AIG1: variants seen among roughly 807,000 people sequenced by gnomAD.
AIG1 encodes the protein androgen-induced gene 1 protein.
In AIG1, 23 loss-of-function variants were observed where a neutral mutation model predicts 31.4. The ratio of observed to expected loss-of-function variants is 0.73; its 90% CI spans 0.53 to 1.04. The LOEUF (loss-of-function observed/expected upper bound fraction) is 1.04. AIG1 is among the 50% of genes least tolerant of loss of function. AIG1 has a pLI of 0.00. For synonymous variants in AIG1, 100 were observed against 110.5 expected (o/e 0.90, Z 0.60); for missense variants, 274 against 295.0 (o/e 0.93, Z 0.52).
intron 4 of AIG1, among the ~76,000 whole-genome samples, chr6:143,307,814 A>G (rs1032678809): frequency 7.2e-5 from 11 of 152,230 alleles, no homozygotes; most frequent in African/African-American, 2.7e-4. Context: ...GGTGGAGCCT[A>G]CAGAGGCAGG....
At chr6:143,209,719 A>G (rs1433548752) in intron 3 of AIG1, among the ~76,000 whole-genome samples, 1 of 152,170 alleles carries the variant, frequency 6.6e-6, no homozygotes, top group Non-Finnish European at 1.5e-5. Context: ...TTGTGAGATA[A>G]TAAATATGTA....
intron 3 of AIG1, chr6:143,187,537 G>A (rs1271004404): frequency 1.3e-6 from 2 of 1,535,806 alleles, no homozygotes; most frequent in Non-Finnish European, 1.7e-6. Context: ...TTCACACTGG[G>A]TAGGCCTGTA....
chr6:143,339,795 C>A lies in AIG1; in HGVS notation c.*119C>A. ...ACTTGGTGGCATCAGCACCCCCCTCCCCCAATGAGGACACCTTTTATATAT... is the reference window on the plus strand; with the variant it reads ...ACTTGGTGGCATCAGCACCCCCCTCACCCAATGAGGACACCTTTTATATAT... On this transcript the variant is annotated 3_prime_UTR_variant, in exon 6 of 6. Coordinates refer to ENST00000357847, the MANE Select transcript of AIG1 (RefSeq NM_016108.4). The A allele has an allele frequency of 1.1e-6, 1 of 935,602 alleles. No homozygotes were observed. The highest frequency in any genetic ancestry group is 1.6e-6 in the Non-Finnish European group (1 of 615,746). The allele number at this position is 935,602 out of a possible 1,614,324, so 58.0% of individuals were successfully genotyped here.
intron 2 of AIG1, among the ~76,000 whole-genome samples, chr6:143,151,000 C>T (rs764267901): frequency 3.3e-5 from 5 of 152,288 alleles, no homozygotes; most frequent in South Asian, 2.1e-4. Context: ...CAAGAAAAAA[C>T]GCTCTGAAGT....
chr6:143,171,102 A>G (rs1435542624), intron 3 of AIG1, among the ~76,000 whole-genome samples: 1 of 151,874 alleles, frequency 6.6e-6, no homozygotes, highest in Non-Finnish European at 1.5e-5. Context: ...CAGATACAGA[A>G]AGCTGAAAAA....
chr6:143,232,165 A>G (rs944851511), intron 3 of AIG1, among the ~76,000 whole-genome samples: 5 of 152,186 alleles, frequency 3.3e-5, no homozygotes, highest in African/African-American at 4.8e-5. Context: ...GTATTTCTCA[A>G]TCTGTTCTGT....
In AIG1 at chr6:143,256,317, T is replaced by C. The variant is rs1242447972; in HGVS notation, c.400-27793T>C. Among the ~76,000 whole-genome samples, 1 of 152,212 alleles carries C rather than the reference T, an allele frequency of 6.6e-6. No homozygotes were observed. Among genetic ancestry groups the C allele is most frequent in the Non-Finnish European group, 1.5e-5 (1 of 68,026 alleles). ...TTCTTAAGTGGAAAAAGAAAATCAA[T>C]GATACTTTAAAAGTTCCTCCAACCT... On this transcript the variant is annotated intron_variant, in intron 3 of 5. Coordinates refer to ENST00000357847, the MANE Select transcript of AIG1 (RefSeq NM_016108.4). This position sits in a 1 kb window ranked among gnomAD's most constrained non-coding sequence, Gnocchi z 4.6.
At chr6:143,167,102 G>A (rs886206854) in intron 3 of AIG1, among the ~76,000 whole-genome samples, 1 of 152,090 alleles carries the variant, frequency 6.6e-6, no homozygotes, top group Non-Finnish European at 1.5e-5. Context: ...CAATAATTAG[G>A]TACGTATTTT....
At chr6:143,295,614 G>A (rs925441912) in intron 4 of AIG1, among the ~76,000 whole-genome samples, 2 of 151,460 alleles carry the variant, frequency 1.3e-5, no homozygotes, top group African/African-American at 4.9e-5. Context: ...GTCATGTCTC[G>A]CACCAGTGTT....
At chr6:143,234,004 C>CT (rs1212484647) in intron 3 of AIG1, among the ~76,000 whole-genome samples, 1 of 152,186 alleles carries the variant, frequency 6.6e-6, no homozygotes, top group Non-Finnish European at 1.5e-5. Context: ...AGAACCTGTA[C>CT]TTTGGGTGAG....
intron 3 of AIG1, among the ~76,000 whole-genome samples, chr6:143,251,769 A>G (rs1053066635): frequency 2.0e-5 from 3 of 151,998 alleles, no homozygotes; most frequent in African/African-American, 4.8e-5. Flanking sequence ...GCCTTTTACC[A>G]TTCTTTCCAC....
rs376842713 is a variant in AIG1 at position 143,067,663 on chromosome 6, A to G, written c.141+6597A>G. On this transcript the variant is annotated intron_variant, in intron 1 of 5. Transcript: ENST00000357847. Reference sequence around the variant, plus strand: ...TCTCTAGTTCATGACTTAATTTTAAATAGGAAATAAAATACCTTGAGAAGA... The same window carrying G: ...TCTCTAGTTCATGACTTAATTTTAAGTAGGAAATAAAATACCTTGAGAAGA... Among the ~76,000 whole-genome samples the G allele has an allele frequency of 3.5e-4, 53 of 152,360 alleles. 1 individual carries two copies. The South Asian group carries it at 6.4e-3, about 18-fold the overall frequency.
intron 1 of AIG1, among the ~76,000 whole-genome samples, chr6:143,062,802 C>A (rs1776372151): frequency 6.6e-6 from 1 of 152,128 alleles, no homozygotes; most frequent in Non-Finnish European, 1.5e-5. Flanking sequence ...TTTCAGAATT[C>A]TTTGAGGGGC....
At chr6:143,277,913 A>G (rs1366611633) in intron 3 of AIG1, among the ~76,000 whole-genome samples, 2 of 152,208 alleles carry the variant, frequency 1.3e-5, no homozygotes, top group Non-Finnish European at 2.9e-5. Flanking sequence ...TCTCAATTCT[A>G]GAGATCTAAA....
intron 3 of AIG1, among the ~76,000 whole-genome samples, chr6:143,244,957 C>T (rs1794507432): frequency 1.3e-5 from 2 of 152,258 alleles, no homozygotes; most frequent in African/African-American, 2.4e-5. Flanking sequence ...TATGCTCAGT[C>T]CTTCATTTGA....
At chr6:143,189,974 C>G in intron 3 of AIG1, 1 of 498,282 alleles carries the variant, frequency 2.0e-6, no homozygotes, top group Non-Finnish European at 2.6e-6. Context: ...TTCCAGATTA[C>G]AGACTTCCAG....
At position 143,268,729 on chromosome 6, in the gene AIG1, G is replaced by A. The variant is rs1188273742; in HGVS notation, c.400-15381G>A. ...TATGGATTTTAAAATCAGAGGTTCA[G>A]ACTAGCTGTATTACTTGGTGTAGTG... On this transcript the variant is annotated intron_variant, in intron 3 of 5. Transcript: ENST00000357847. The surrounding 1 kb of genome is among the most constrained non-coding windows in gnomAD (Gnocchi z 5.0). 6.6e-6 allele frequency among the ~76,000 whole-genome samples: 1 copy of A among 152,230 alleles called. No individual in the cohort carries two copies. The highest frequency in any genetic ancestry group is 2.4e-5 in the African/African-American group (1 of 41,456).
At chr6:143,260,640 T>C (rs1795708454) in intron 3 of AIG1, among the ~76,000 whole-genome samples, 1 of 152,216 alleles carries the variant, frequency 6.6e-6, no homozygotes, top group African/African-American at 2.4e-5. Flanking sequence ...CCAGGTACTG[T>C]AGTGACTGTT....
intron 4 of AIG1, among the ~76,000 whole-genome samples, chr6:143,314,413 A>G (rs193071170): frequency 3.6e-4 from 55 of 152,154 alleles, no homozygotes; most frequent in Non-Finnish European, 6.2e-4. Flanking sequence ...AGATGACATG[A>G]TTATCTATGC....
Sources: gnomAD v4.1 joint callset for allele counts (sites outside exome capture counted in the v4.1 genomes callset) on GRCh38, gnomAD v4.1.1 for gene constraint, Gnocchi (gnomAD v3.1) non-coding constraint, MANE v1.5 for transcripts, NCBI Gene and HGNC (gene_info 2026-07-23, HGNC 2026-07-21) for gene names.